TENT4B: variants seen among roughly 807,000 people sequenced by gnomAD.
TENT4B encodes the protein terminal nucleotidyltransferase 4B, also known as PAP associated domain containing 5.
A neutral mutation model predicts 75.0 loss-of-function variants in TENT4B; 10 were observed. The ratio of observed to expected loss-of-function variants is 0.13; its 90% confidence interval spans 0.08 to 0.23. The LOEUF is 0.23. TENT4B is among the 10% of genes least tolerant of loss of function. TENT4B has a pLI of 1.00. For synonymous variants in TENT4B, 350 were observed against 357.7 expected, an observed-to-expected ratio of 0.98 and a Z score of 0.24; for missense variants, 579 against 893.8, an observed-to-expected ratio of 0.65 and a Z score of 4.49.
At chr16:50,158,689 C>T (rs994434682) in intron 1 of TENT4B, among the ~76,000 whole-genome samples, 3 of 152,156 alleles carry the variant, frequency 2.0e-5, no homozygotes, top group African/African-American at 7.2e-5. Context: ...ACTGCCAGAT[C>T]TGTAGATGCT....
Position 50,229,615 on chromosome 16 carries a change from A to T in TENT4B, c.*287A>T. 1 of 1,114,350 alleles carries T rather than the reference A, an allele frequency of 9.0e-7. No homozygotes were observed. Among genetic ancestry groups the T allele is most frequent in the East Asian group, 5.3e-5 (1 of 18,938 alleles). The allele number at this position is 1,114,350 out of a possible 1,614,324, so 69.0% of individuals were successfully genotyped here. On this transcript the variant is annotated 3_prime_UTR_variant, in exon 12 of 12. Transcript: ENST00000561678. ...ATTTTAAGATTTAAAGCTTGAATGTAAAATAAATATATTTCTCATTGGCTT... is the reference window on the plus strand; with the variant it reads ...ATTTTAAGATTTAAAGCTTGAATGTTAAATAAATATATTTCTCATTGGCTT...
chr16:50,234,810 G>T lies in TENT4B; in HGVS notation c.*5482G>T. 1.0e-6 allele frequency: 1 copy of T among 985,598 alleles called. No homozygotes were observed. Among genetic ancestry groups the T allele is most frequent in the Non-Finnish European group, 1.2e-6 (1 of 829,944 alleles). 61.1% of individuals were successfully genotyped at this position (985,598 alleles called of 1,614,324 possible). Reference sequence around the variant, plus strand: ...TAGTTTCTGGATATAAAGTGTGAAGGACTGTTGAGTTAAACATTTTTAGTG... The same window carrying T: ...TAGTTTCTGGATATAAAGTGTGAAGTACTGTTGAGTTAAACATTTTTAGTG... On this transcript the variant is annotated 3_prime_UTR_variant, in exon 12 of 12. Transcript: ENST00000561678.
At chr16:50,180,633 TAGG>T (rs1240117347) in intron 1 of TENT4B, among the ~76,000 whole-genome samples, 1 of 150,032 alleles carries the variant, frequency 6.7e-6, no homozygotes, top group Non-Finnish European at 1.5e-5. Flanking sequence ...CGCTTTAACT[TAGG>T]AGGTGGAGGT....
chr16:50,227,188 T>C (rs2032095763), intron 10 of TENT4B, among the ~76,000 whole-genome samples: 1 of 152,190 alleles, frequency 6.6e-6, no homozygotes, highest in Non-Finnish European at 1.5e-5. Flanking sequence ...CTGTGTGCTT[T>C]TTTGGTTCCT....
chr16:50,199,482 G>T (rs567631545), intron 1 of TENT4B, among the ~76,000 whole-genome samples: 1 of 152,238 alleles, frequency 6.6e-6, no homozygotes, highest in Admixed American at 6.5e-5. Context: ...AATAAAGGGT[G>T]CTGGACACAT....
intron 1 of TENT4B, among the ~76,000 whole-genome samples, chr16:50,208,004 G>C (rs1037208293): frequency 1.3e-5 from 2 of 152,156 alleles, no homozygotes; most frequent in East Asian, 1.9e-4. Context: ...ATTTTATCTG[G>C]TTGTTCTCTG....
intron 3 of TENT4B, 42 bp downstream of exon 3, chr16:50,214,309 T>C (rs2031438078): frequency 6.8e-7 from 1 of 1,460,958 alleles, no homozygotes; most frequent in African/African-American, 1.4e-5. Flanking sequence ...TTTCTTAGAG[T>C]GTATTCATTT....
intron 1 of TENT4B, among the ~76,000 whole-genome samples, chr16:50,177,190 A>G (rs1006345319): frequency 1.3e-5 from 2 of 151,798 alleles, no homozygotes; most frequent in Non-Finnish European, 2.9e-5. Context: ...TTTAGTAGAG[A>G]TGGGGTTTCA....
intron 1 of TENT4B, among the ~76,000 whole-genome samples, chr16:50,167,793 A>T (rs1358121769): frequency 6.6e-6 from 1 of 152,050 alleles, no homozygotes; most frequent in Non-Finnish European, 1.5e-5. Flanking sequence ...AGTAGCTCGG[A>T]TTACAGGCGT....
Position 50,153,362 on chromosome 16 carries a change from G to C in TENT4B, c.-260G>C, listed in dbSNP as rs2037809789. 6.9e-6 allele frequency among the ~76,000 whole-genome samples: 1 copy of C among 145,814 alleles called. No homozygotes were observed. Among genetic ancestry groups the C allele is most frequent in the Non-Finnish European group, 1.5e-5 (1 of 65,510 alleles). On this transcript the variant is annotated 5_prime_UTR_variant, in exon 1 of 12. Coordinates refer to ENST00000561678, the MANE Select transcript of TENT4B (RefSeq NM_001365324.3). ...ATTTGCACGGGGACCCCAGTGACAG[G>C]GGCTCGGCGGAGGGGCGGAGGGGCG...
intron 1 of TENT4B, among the ~76,000 whole-genome samples, chr16:50,206,980 C>T (rs1050002000): frequency 6.6e-6 from 1 of 150,528 alleles, no homozygotes; most frequent in Non-Finnish European, 1.5e-5. Flanking sequence ...TTGGACACCT[C>T]CTTGTCATAT....
intron 5 of TENT4B, among the ~76,000 whole-genome samples, chr16:50,221,243 G>A (rs1596747717): frequency 1.3e-5 from 2 of 152,104 alleles, no homozygotes; most frequent in East Asian, 3.8e-4. Flanking sequence ...GTGACAGAAT[G>A]AGGGGGAAAA....
Position 50,154,389 on chromosome 16 carries a change from G to T in TENT4B, c.638+130G>T, listed in dbSNP as rs1047402702. On this transcript the variant is annotated intron_variant, in intron 1 of 11. Coordinates refer to ENST00000561678, the MANE Select transcript of TENT4B (RefSeq NM_001365324.3). ...GGCCTGCCTTCGCTGCTGTTGCACG[G>T]GGGTGCTGCTGGCCATCCCCAACCC... 7 of 1,311,376 alleles carry T rather than the reference G, an allele frequency of 5.3e-6. No homozygotes were observed. In the South Asian group the frequency reaches 1.4e-4, roughly 27 times the overall value. 81.2% of individuals were successfully genotyped at this position (1,311,376 alleles called of 1,614,324 possible).
chr16:50,214,130 C>G, intron 2 of TENT4B, 91 bp from the exon 3 acceptor site: 1 of 1,031,102 alleles, frequency 9.7e-7, no homozygotes, highest in Non-Finnish European at 1.5e-6. Flanking sequence ...TAGAGGGTAG[C>G]AAAAACTGAC....
intron 5 of TENT4B, among the ~76,000 whole-genome samples, chr16:50,218,652 G>C (rs2031686215): frequency 6.6e-6 from 1 of 151,832 alleles, no homozygotes; most frequent in Non-Finnish European, 1.5e-5. Flanking sequence ...GTGCCCAGCT[G>C]TACTTTTTTT....
rs1272970105 is a variant in TENT4B at position 50,232,108 on chromosome 16, A to T, written c.*2780A>T. 1 of 985,170 alleles carries T rather than the reference A, an allele frequency of 1.0e-6. No homozygotes were observed. Among genetic ancestry groups the T allele is most frequent in the Non-Finnish European group, 1.2e-6 (1 of 829,916 alleles). 61.0% of individuals were successfully genotyped at this position (985,170 alleles called of 1,614,324 possible). ...ATATTTAAAGACTGTTTTTTAGAGG[A>T]GCTGATGGGTTGGTGAGGTGTCAGC... On this transcript the variant is annotated 3_prime_UTR_variant, in exon 12 of 12. Coordinates refer to ENST00000561678, the MANE Select transcript of TENT4B (RefSeq NM_001365324.3).
chr16:50,174,742 C>CTTTT (rs35242106), intron 1 of TENT4B, among the ~76,000 whole-genome samples: 10 of 75,816 alleles, frequency 1.3e-4, no homozygotes, highest in African/African-American at 2.9e-4. Flanking sequence ...CTCCCCTACT[C>CTTTT]TTTTTTTTTT....
chr16:50,204,998 G>A (rs967241437), intron 1 of TENT4B, among the ~76,000 whole-genome samples: 1 of 152,148 alleles, frequency 6.6e-6, no homozygotes, highest in Non-Finnish European at 1.5e-5. Flanking sequence ...ACCCTCTTTC[G>A]AAGTGTGTCT....
chr16:50,217,117 C>G (rs2031598933), intron 4 of TENT4B, among the ~76,000 whole-genome samples: 1 of 152,054 alleles, frequency 6.6e-6, no homozygotes, highest in Admixed American at 6.6e-5. Flanking sequence ...AGAAAGTGTT[C>G]TCCAAATTAT....
Sources: gnomAD v4.1 joint callset for allele counts (sites outside exome capture counted in the v4.1 genomes callset) on GRCh38, gnomAD v4.1.1 for gene constraint, MANE v1.5 for transcripts, NCBI Gene and HGNC (gene_info 2026-07-23, HGNC 2026-07-21) for gene names.